CYP2J2: variants seen among roughly 807,000 people sequenced by gnomAD.
CYP2J2 encodes the protein cytochrome P450 family 2 subfamily J member 2.
A neutral mutation model predicts 48.8 loss-of-function variants in CYP2J2; 41 were observed. That is an observed-to-expected ratio of 0.84 (90% CI 0.66 to 1.09). The LOEUF (loss-of-function observed/expected upper bound fraction) is 1.09. CYP2J2 is among the 50% of genes least tolerant of loss of function. The pLI, the probability that CYP2J2 is intolerant of heterozygous loss-of-function variation, is 0.00. For missense variants in CYP2J2, 644 were observed against 617.3 expected (o/e 1.04, Z -0.46); for synonymous variants, 221 against 227.1 (o/e 0.97, Z 0.24).
At chr1:59,905,601 C>G (rs572724933) in intron 6 of CYP2J2, among the ~76,000 whole-genome samples, 5 of 152,120 alleles carry the variant, frequency 3.3e-5, no homozygotes, top group Admixed American at 6.5e-5. Context: ...GAAAGTGGGC[C>G]CTGAGGTAAG....
intron 1 of CYP2J2, among the ~76,000 whole-genome samples, chr1:59,919,134 A>T (rs889383438): frequency 2.6e-5 from 4 of 152,136 alleles, no homozygotes; most frequent in South Asian, 2.1e-4. Flanking sequence ...TGCCTCTGTG[A>T]GTGTGTGTGA....
At chr1:59,949,360 A>C in the CYP2J2 span, among the ~76,000 whole-genome samples, 1 of 152,168 alleles carries the variant, frequency 6.6e-6, no homozygotes, top group Non-Finnish European at 1.5e-5. Context: ...GACTCCTAGA[A>C]TTGACTGCTT....
chr1:59,909,421 G>T (rs1194290762), intron 5 of CYP2J2, among the ~76,000 whole-genome samples: 1 of 152,182 alleles, frequency 6.6e-6, no homozygotes, highest in Non-Finnish European at 1.5e-5. Context: ...GAGGGTCAAA[G>T]TCAGAGAGAA....
chr1:59,895,385 C>A (rs1356598388), intron 8 of CYP2J2, among the ~76,000 whole-genome samples: 2 of 152,168 alleles, frequency 1.3e-5, no homozygotes, highest in Non-Finnish European at 2.9e-5. Context: ...GTGGAGTTTT[C>A]CATTTTGGGT....
chr1:59,907,529 T>A (rs934528340), intron 6 of CYP2J2, among the ~76,000 whole-genome samples: 1 of 152,240 alleles, frequency 6.6e-6, no homozygotes, highest in Non-Finnish European at 1.5e-5. Context: ...TATCTCAATG[T>A]CGACTGACTT....
intron 8 of CYP2J2, among the ~76,000 whole-genome samples, chr1:59,894,750 G>A (rs974089385): frequency 2.6e-5 from 4 of 152,156 alleles, no homozygotes; most frequent in African/African-American, 7.2e-5. Flanking sequence ...ATTTTAAAAT[G>A]TCACCTAGGT....
chr1:59,909,290 T>C (rs1421912532), intron 5 of CYP2J2, among the ~76,000 whole-genome samples: 1 of 152,212 alleles, frequency 6.6e-6, no homozygotes, highest in African/African-American at 2.4e-5. Context: ...CCTAGGGATG[T>C]TACTTTATAG....
At chr1:59,935,021 T>C in the CYP2J2 span, among the ~76,000 whole-genome samples, 1,485 of 47,708 alleles carry the variant, frequency 0.031, 15 homozygotes, top group South Asian at 0.11. Flanking sequence ...TATACATATA[T>C]ATATATATAT....
intron 7 of CYP2J2, among the ~76,000 whole-genome samples, chr1:59,902,368 A>G (rs1427380249): frequency 6.6e-6 from 1 of 152,152 alleles, no homozygotes; most frequent in African/African-American, 2.4e-5. Context: ...TCAAATATTA[A>G]CATATTAATA....
In CYP2J2 at chr1:59,912,184, A is replaced by AG. The variant is rs778951422; in HGVS notation, c.500dup (p.Glu168Ter). 7.4e-6 allele frequency: 12 copies of AG among 1,613,534 alleles called. No homozygotes were observed. In the Admixed American group the frequency reaches 1.8e-4, roughly 25 times the overall value. On this transcript the variant is annotated frameshift_variant, in exon 3 of 9. Coordinates refer to ENST00000371204, the MANE Select transcript of CYP2J2 (RefSeq NM_000775.4). LOFTEE classifies it high-confidence loss of function. ...CACCGTTCTCCTCTTTTATTGCTTC[A>AG]GTGAGGTGTTGGGCCTCCTCCTGAA...
At chr1:59,908,481 T>C (rs1303939411) in intron 5 of CYP2J2, among the ~76,000 whole-genome samples, 5 of 152,226 alleles carry the variant, frequency 3.3e-5, no homozygotes, top group Non-Finnish European at 4.4e-5. Flanking sequence ...CACCTTTTTC[T>C]TTCCAATTTG....
the CYP2J2 span, among the ~76,000 whole-genome samples, chr1:59,937,457 G>C: frequency 1.3e-5 from 2 of 151,960 alleles, no homozygotes; most frequent in Non-Finnish European, 2.9e-5. Context: ...CGATATTTAA[G>C]GGAGTAATTA....
chr1:59,927,613 G>C (rs533892264), upstream of CYP2J2, among the ~76,000 whole-genome samples: 3 of 152,268 alleles, frequency 2.0e-5, no homozygotes, highest in South Asian at 6.2e-4. Context: ...TTGAGACAGA[G>C]TCTTGCTCTG....
At chr1:59,964,502 A>G in the CYP2J2 span, among the ~76,000 whole-genome samples, 1 of 152,234 alleles carries the variant, frequency 6.6e-6, no homozygotes, top group South Asian at 2.1e-4. Context: ...TCCTAGTTGC[A>G]AGAGAGACTG....
intron 7 of CYP2J2, among the ~76,000 whole-genome samples, chr1:59,903,131 T>C (rs1644335241): frequency 1.3e-5 from 2 of 152,114 alleles, no homozygotes; most frequent in East Asian, 1.9e-4. Flanking sequence ...AGTAAGGAAA[T>C]AGTAAATGTA....
At chr1:59,933,433 A>T in the CYP2J2 span, among the ~76,000 whole-genome samples, 1 of 152,198 alleles carries the variant, frequency 6.6e-6, no homozygotes, top group African/African-American at 2.4e-5. Context: ...ACCAATTAAA[A>T]GATATAGTCT....
At chr1:59,895,487 G>A (rs1574243452) in intron 8 of CYP2J2, among the ~76,000 whole-genome samples, 1 of 152,236 alleles carries the variant, frequency 6.6e-6, no homozygotes, top group African/African-American at 2.4e-5. Context: ...GTAATCACTT[G>A]ATTAAGGTGG....
the CYP2J2 span, among the ~76,000 whole-genome samples, chr1:59,939,856 G>A: frequency 1.5e-4 from 23 of 152,094 alleles, no homozygotes; most frequent in South Asian, 2.3e-3. Context: ...CATGGCCACC[G>A]CCACCACAGA....
chr1:59,901,209 T>G (rs1432641101), intron 7 of CYP2J2, 106 bp from the exon 8 acceptor site: 1 of 1,148,960 alleles, frequency 8.7e-7, no homozygotes, highest in Non-Finnish European at 1.3e-6. Context: ...CTGAACATAC[T>G]GCCCCACCCT....
Sources: allele counts gnomAD v4.1 joint callset (sites outside exome capture counted in the v4.1 genomes callset), GRCh38; gene constraint gnomAD v4.1.1; transcripts MANE v1.5; gene names NCBI Gene and HGNC (gene_info 2026-07-23, HGNC 2026-07-21).